The following SVIL variants were observed in gnomAD, a reference collection of about 807,000 sequenced individuals.
SVIL encodes the protein archvillin.
In SVIL, 101 loss-of-function variants were observed where a neutral mutation model predicts 240.4. That is an observed-to-expected ratio of 0.42 (90% confidence interval 0.36 to 0.50). The LOEUF (loss-of-function observed/expected upper bound fraction) is 0.50. SVIL is among the 20% of genes least tolerant of loss of function. The pLI is 0.01. For missense variants in SVIL, 2,512 were observed against 2,818.7 expected (o/e 0.89, Z 2.46); for synonymous variants, 999 against 1,100.0 (o/e 0.91, Z 1.82).
At chr10:29,527,350 A>G (rs1164021646) in intron 12 of SVIL, among the ~76,000 whole-genome samples, 6 of 152,208 alleles carry the variant, frequency 3.9e-5, no homozygotes, top group Admixed American at 1.3e-4. Flanking sequence ...TAATAATTCA[A>G]AAAAGCAAAT....
chr10:29,573,380 C>T (rs1357518741), intron 1 of SVIL, among the ~76,000 whole-genome samples: 1 of 152,072 alleles, frequency 6.6e-6, no homozygotes, highest in Non-Finnish European at 1.5e-5. Flanking sequence ...AAAGGCACAA[C>T]ATTCTTTATG....
At chr10:29,698,850 C>T (rs1962287226) in intron 1 of SVIL, among the ~76,000 whole-genome samples, 1 of 152,152 alleles carries the variant, frequency 6.6e-6, no homozygotes, top group Non-Finnish European at 1.5e-5. Context: ...TGTCTTTAAG[C>T]TCTTTTCAGA....
At chr10:29,669,404 G>T (rs3886283) in intron 2 of SVIL, among the ~76,000 whole-genome samples, 36,098 of 152,134 alleles carry the variant, frequency 0.24, 4,492 homozygotes, top group East Asian at 0.29. Flanking sequence ...TTCAGTGATG[G>T]CTGAGTGCTG....
intron 37 of SVIL, 30 bp from the exon 38 acceptor site, chr10:29,458,363 C>T (rs767348517): frequency 3.1e-6 from 5 of 1,612,098 alleles, no homozygotes; most frequent in Non-Finnish European, 4.2e-6. Context: ...CGCCCCGCGG[C>T]TCAGTGAAAG....
At chr10:29,503,926 C>A (rs998011719) in intron 17 of SVIL, among the ~76,000 whole-genome samples, 8 of 152,090 alleles carry the variant, frequency 5.3e-5, no homozygotes, top group Non-Finnish European at 1.0e-4. Flanking sequence ...GTTGGAGGAC[C>A]AACACCAGTC....
intron 16 of SVIL, among the ~76,000 whole-genome samples, chr10:29,519,929 C>T (rs562280579): frequency 3.3e-5 from 5 of 152,314 alleles, no homozygotes; most frequent in East Asian, 3.9e-4. Context: ...CATCCTTGAA[C>T]GCCTTACATG....
chr10:29,488,139 A>C (rs1027355512), intron 23 of SVIL, among the ~76,000 whole-genome samples: 3 of 152,106 alleles, frequency 2.0e-5, no homozygotes, highest in Admixed American at 6.5e-5. Context: ...TCTGCGTCGA[A>C]CTTCCCTTGA....
chr10:29,715,591 A>AT (rs1487733847), intron 1 of SVIL, among the ~76,000 whole-genome samples: 1 of 152,162 alleles, frequency 6.6e-6, no homozygotes, highest in East Asian at 1.9e-4. Context: ...TCCCTATTAC[A>AT]TCCCACAGAC....
intron 1 of SVIL, among the ~76,000 whole-genome samples, chr10:29,588,191 C>T (rs1332595346): frequency 6.6e-5 from 10 of 151,534 alleles, no homozygotes; most frequent in African/African-American, 1.5e-4. Flanking sequence ...CTGGAGCTGC[C>T]GAACCACAGC....
rs1041779043 is a variant in SVIL at position 29,594,550 on chromosome 10, ATTTT to A, written c.-200-25242_-200-25239del. Reference sequence around the variant, plus strand: ...TATGGGAAATCTCTGTACCTTCTTAATTTTTTTTCTTTTTTTTTTTTTTTGAAAC... The same window carrying A: ...TATGGGAAATCTCTGTACCTTCTTAATTTTCTTTTTTTTTTTTTTTGAAAC... On this transcript the variant is annotated intron_variant, in intron 1 of 37. Transcript: ENST00000355867. 4.5e-5 allele frequency among the ~76,000 whole-genome samples: 6 copies of A among 134,046 alleles called. No individual in the cohort carries two copies. In the South Asian group the frequency reaches 1.4e-3, roughly 32 times the overall value. 87.9% of individuals were successfully genotyped at this position (134,046 alleles called of 152,430 possible). A position where few individuals can be genotyped will look rare whatever the true frequency, so the allele number is the denominator to read the frequency against.
intron 1 of SVIL, among the ~76,000 whole-genome samples, chr10:29,688,863 GA>G (rs976660351): frequency 4.6e-5 from 7 of 152,114 alleles, no homozygotes; most frequent in African/African-American, 1.7e-4. Context: ...TGAAAACAGA[GA>G]AAAATGTTAA....
intron 3 of SVIL, among the ~76,000 whole-genome samples, chr10:29,558,732 G>C (rs1954171065): frequency 6.6e-6 from 1 of 151,304 alleles, no homozygotes; most frequent in Non-Finnish European, 1.5e-5. Context: ...TTTGAGACTA[G>C]TGTGGCTAAC....
rs1948674599 is a variant in SVIL, at chr10:29,499,048, C to A, written c.3664+68G>T. 9 of 1,569,672 alleles carry A rather than the reference C, an allele frequency of 5.7e-6. No homozygotes were observed. The Middle Eastern group carries it at 5.2e-4, about 91-fold the overall frequency. ...GAGCTATCACGTACCACCATGCCCT[C>A]CATGGGTAAGTGTGCTCACGTGTGT... On this transcript the variant is annotated intron_variant, in intron 18 of 37. Coordinates refer to ENST00000355867, the MANE Select transcript of SVIL (RefSeq NM_021738.3).
chr10:29,693,847 C>A (rs1961709239), intron 1 of SVIL, among the ~76,000 whole-genome samples: 1 of 152,190 alleles, frequency 6.6e-6, no homozygotes, highest in African/African-American at 2.4e-5. Flanking sequence ...CTTCTTTCTT[C>A]ATTAGATCAT....
At chr10:29,723,150 G>A (rs561231688) in intron 1 of SVIL, among the ~76,000 whole-genome samples, 78 of 152,216 alleles carry the variant, frequency 5.1e-4, no homozygotes, top group Non-Finnish European at 8.4e-4. Flanking sequence ...CAGAAGGATT[G>A]GCTGAGCCCA....
chr10:29,562,365 C>T (rs1954560192), intron 3 of SVIL, among the ~76,000 whole-genome samples: 1 of 152,224 alleles, frequency 6.6e-6, no homozygotes, highest in Non-Finnish European at 1.5e-5. Flanking sequence ...AATAGTAATT[C>T]ACCAAACACG....
exon 2 of SVIL, chr10:29,686,571 A>G (rs1961084067): frequency 6.6e-6 from 1 of 152,170 alleles, no homozygotes; most frequent in Non-Finnish European, 1.5e-5. Flanking sequence ...CCGCTAGTCA[A>G]AACTCAGTGA....
At chr10:29,529,175 C>CA (rs66523560) in intron 12 of SVIL, among the ~76,000 whole-genome samples, 736 of 65,970 alleles carry the variant, frequency 0.011, 50 homozygotes, top group East Asian at 0.015. Flanking sequence ...GACTCTCTCT[C>CA]AAAAAAAAAA....
chr10:29,611,456 C>T (rs776003393), intron 1 of SVIL, among the ~76,000 whole-genome samples: 4 of 151,756 alleles, frequency 2.6e-5, no homozygotes, highest in East Asian at 2.0e-4. Flanking sequence ...CCAAGCAGGA[C>T]GGCATGTAAT....
Sources: allele counts gnomAD v4.1 joint callset (sites outside exome capture counted in the v4.1 genomes callset), GRCh38; gene constraint gnomAD v4.1.1; transcripts MANE v1.5; gene names NCBI Gene and HGNC (gene_info 2026-07-23, HGNC 2026-07-21).